The following FANCC variants were observed in gnomAD, a reference collection of about 807,000 sequenced individuals.
FANCC encodes Fanconi anemia group C protein.
A neutral mutation model predicts 71.3 loss-of-function variants in FANCC; 55 were observed. The observed-to-expected ratio is 0.77, with a 90% CI of 0.62 to 0.97. The LOEUF (loss-of-function observed/expected upper bound fraction) is 0.97, where lower values mean the gene tolerates loss of function less well. FANCC is among the 50% of genes least tolerant of loss of function. The probability of loss-of-function intolerance (pLI) is 0.00; values close to 1 mark genes in which losing one functional copy is unlikely to be tolerated. For missense variants in FANCC, 678 were observed against 670.9 expected, an observed-to-expected ratio of 1.01 and a Z score of -0.12; for synonymous variants, 275 against 244.9, an observed-to-expected ratio of 1.12 and a Z score of -1.15.
intron 1 of FANCC, among the ~76,000 whole-genome samples, chr9:95,275,526 C>T (rs1164952599): frequency 6.6e-6 from 1 of 151,704 alleles, no homozygotes; most frequent in African/African-American, 2.4e-5. Context: ...GCATGTTCAT[C>T]AATTTTAACA....
At chr9:95,192,675 G>T (rs936622076) in intron 4 of FANCC, among the ~76,000 whole-genome samples, 5 of 152,166 alleles carry the variant, frequency 3.3e-5, no homozygotes, top group African/African-American at 1.2e-4. Flanking sequence ...TGAAGCAACA[G>T]AAAAAGATTA....
chr9:95,135,565 A>G (rs1347680726), intron 7 of FANCC, 63 bp from the exon 8 acceptor site: 1 of 1,465,052 alleles, frequency 6.8e-7, no homozygotes, highest in Non-Finnish European at 9.4e-7. Context: ...GAAGATTAAA[A>G]AAAGTTCAAA....
chr9:95,121,736 GCTC>G (rs141419774), intron 10 of FANCC, among the ~76,000 whole-genome samples: 1,610 of 152,214 alleles, frequency 0.011, 28 homozygotes, highest in African/African-American at 0.037. Context: ...AGAGTATGCT[GCTC>G]CTGTTTGTTT....
intron 13 of FANCC, among the ~76,000 whole-genome samples, chr9:95,108,197 C>T (rs2071608638): frequency 6.6e-6 from 1 of 152,074 alleles, no homozygotes; most frequent in East Asian, 1.9e-4. Context: ...AACTCCAGTA[C>T]ACTGGGTGTG....
In FANCC at chr9:95,149,977, G is replaced by A. The variant is rs140781259; in HGVS notation, c.632C>T (p.Pro211Leu). Reference sequence around the variant, plus strand: ...GAACTCTGGCTGGAGGATTTCCTGAGGTTCACGTCCATGACAGATGAGGAG... The same window carrying A: ...GAACTCTGGCTGGAGGATTTCCTGAAGTTCACGTCCATGACAGATGAGGAG... ...EALLICHGRE[P>L]QEILQPEFFE... The change falls in exon 7 of 15, where the codon CCT becomes CTT. Residue 211 changes from proline to leucine, a missense_variant. Pro to Leu is a moderately conservative substitution (Grantham distance 98). Coordinates refer to ENST00000289081, the MANE Select transcript of FANCC (RefSeq NM_000136.3). The A allele has an allele frequency of 3.7e-6, 6 of 1,612,950 alleles. No homozygotes were observed. In the African/African-American group the frequency reaches 8.0e-5, roughly 22 times the overall value.
chr9:95,115,169 T>C (rs2072288676), intron 11 of FANCC, among the ~76,000 whole-genome samples: 1 of 152,238 alleles, frequency 6.6e-6, no homozygotes, highest in African/African-American at 2.4e-5. Flanking sequence ...CTCAAATTCC[T>C]GGGCTCAAGT....
intron 7 of FANCC, among the ~76,000 whole-genome samples, chr9:95,147,532 A>C (rs1829728521): frequency 6.6e-6 from 1 of 152,200 alleles, no homozygotes; most frequent in African/African-American, 2.4e-5. Flanking sequence ...AGAAAAGAAA[A>C]GAAAAGATGA....
At chr9:95,308,013 C>A (rs1034630172) in intron 1 of FANCC, among the ~76,000 whole-genome samples, 1 of 152,208 alleles carries the variant, frequency 6.6e-6, no homozygotes, top group East Asian at 1.9e-4. Flanking sequence ...ACAAACCACT[C>A]CATGATAATA....
At chr9:95,209,206 G>GA (rs1828335055) in intron 4 of FANCC, among the ~76,000 whole-genome samples, 1 of 152,222 alleles carries the variant, frequency 6.6e-6, no homozygotes, top group South Asian at 2.1e-4. Context: ...AAAGATCACT[G>GA]GCTGCTAGGG....
chr9:95,298,394 T>G (rs1834523456), intron 1 of FANCC, among the ~76,000 whole-genome samples: 1 of 152,136 alleles, frequency 6.6e-6, no homozygotes, highest in Admixed American at 6.5e-5. Context: ...CTGGGGCATC[T>G]AAATGAAGAG....
intron 4 of FANCC, among the ~76,000 whole-genome samples, chr9:95,216,332 GAAAT>G (rs969035803): frequency 7.9e-5 from 12 of 152,114 alleles, no homozygotes; most frequent in Admixed American, 7.2e-4. Context: ...ACAGAGCTTA[GAAAT>G]AAATGAAACA....
chr9:95,222,145 A>G (rs1025842993), intron 4 of FANCC, among the ~76,000 whole-genome samples: 144 of 145,626 alleles, frequency 9.9e-4, no homozygotes, highest in African/African-American at 3.5e-3. Context: ...CCTGAGCAGC[A>G]GAGCAAGGCC....
At chr9:95,242,410 G>A (rs905028563) in intron 3 of FANCC, among the ~76,000 whole-genome samples, 5 of 147,412 alleles carry the variant, frequency 3.4e-5, no homozygotes, top group Non-Finnish European at 7.4e-5. Context: ...GCATCCTTAC[G>A]CATGCAGCAG....
rs1564794663 is a variant in FANCC, at chr9:95,249,182, T to G, written c.110A>C (p.His37Pro). The change falls in exon 2 of 15, where the codon CAC becomes CCC. Residue 37 changes from histidine to proline, a missense_variant. Physicochemically the swap from His to Pro is moderately conservative, Grantham distance 77 (BLOSUM62 -2). Transcript: ENST00000289081. ...TLETQQDTCL[H>P]VAQFQEFLRK... ...TAGGAACTCCTGGAACTGAGCCACG[T>G]GAAGACAGGTGTCTTGCTGGGTTTC... is the stretch of plus-strand genomic sequence containing the variant. The G allele has an allele frequency of 6.2e-7, 1 of 1,614,154 alleles. No individual in the cohort carries two copies. Among genetic ancestry groups the G allele is most frequent in the Non-Finnish European group, 8.5e-7 (1 of 1,179,992 alleles).
chr9:95,251,481 A>T (rs547923657), intron 1 of FANCC, among the ~76,000 whole-genome samples: 1 of 151,988 alleles, frequency 6.6e-6, no homozygotes, highest in African/African-American at 2.4e-5. Context: ...ACGCCCGGCT[A>T]ATTTTTGTAT....
At chr9:95,312,513 C>G (rs1306250082) in intron 1 of FANCC, among the ~76,000 whole-genome samples, 1 of 152,170 alleles carries the variant, frequency 6.6e-6, no homozygotes, top group African/African-American at 2.4e-5. Flanking sequence ...ACACCACTCC[C>G]AGATAATTTC....
chr9:95,113,275 C>T (rs2072106691), intron 12 of FANCC, among the ~76,000 whole-genome samples: 1 of 152,172 alleles, frequency 6.6e-6, no homozygotes, highest in African/African-American at 2.4e-5. Context: ...GGTGTGTCAC[C>T]CATTGTCTGT....
chr9:95,148,349 T>C (rs1829843128), intron 7 of FANCC, among the ~76,000 whole-genome samples: 1 of 152,234 alleles, frequency 6.6e-6, no homozygotes, highest in Non-Finnish European at 1.5e-5. Context: ...TGACCACTTT[T>C]TGTCATGGAA....
chr9:95,110,801 A>G (rs1367619671), intron 13 of FANCC: 1 of 1,126,702 alleles, frequency 8.9e-7, no homozygotes, highest in Non-Finnish European at 1.1e-6. Flanking sequence ...GGGAGGTGCC[A>G]ATGCCTTTAA....
Sources: allele counts gnomAD v4.1 joint callset (sites outside exome capture counted in the v4.1 genomes callset), GRCh38; gene constraint gnomAD v4.1.1; transcripts MANE v1.5; gene names NCBI Gene and HGNC (gene_info 2026-07-23, HGNC 2026-07-21).